SMARCC2: variants seen among roughly 807,000 people sequenced by gnomAD.
SMARCC2 encodes SWI/SNF related BAF chromatin remodeling complex subunit C2, also known as SWI/SNF complex subunit SMARCC2.
Under a neutral mutation model 151.3 loss-of-function variants are expected in SMARCC2, and 15 were observed. The ratio of observed to expected loss-of-function variants is 0.10; its 90% CI spans 0.07 to 0.15. The LOEUF (loss-of-function observed/expected upper bound fraction) is 0.15. SMARCC2 is among the 10% of genes least tolerant of loss of function. The pLI is 1.00. For missense variants in SMARCC2, 1,031 were observed against 1,599.7 expected, an observed-to-expected ratio of 0.64 and a Z score of 6.06; for synonymous variants, 590 against 609.5, an observed-to-expected ratio of 0.97 and a Z score of 0.47.
intron 6 of SMARCC2, 100 bp downstream of exon 6, chr12:56,184,075 T>C: frequency 9.4e-7 from 1 of 1,065,574 alleles, no homozygotes; most frequent in Non-Finnish European, 1.4e-6. Flanking sequence ...GATTCAAGAT[T>C]GAAAGAAGAG....
rs1873528130 is a variant in SMARCC2, at chr12:56,169,640, T to C, written c.2604A>G (p.Glu868=). Reference sequence around the variant, plus strand: ...TCCTTTCCCCCTCAGACTCCACCACTTCCTTCAGCACTTCCTCCTGCCCTT... The same window carrying C: ...TCCTTTCCCCCTCAGACTCCACCACCTCCTTCAGCACTTCCTCCTGCCCTT... ...PKEGQEEVLK[E]VVESEGERKT... is the part of the protein sequence containing the mutation. Residue 868 remains glutamate, a synonymous_variant, in exon 25 of 29, where the codon GAA becomes GAG. Transcript: ENST00000550164. 1.9e-6 allele frequency: 3 copies of C among 1,613,926 alleles called. No homozygotes were observed. Among genetic ancestry groups the C allele is most frequent in the African/African-American group, 2.7e-5 (2 of 74,894 alleles).
At chr12:56,175,903 G>C (rs994949347) in intron 15 of SMARCC2, among the ~76,000 whole-genome samples, 2 of 151,930 alleles carry the variant, frequency 1.3e-5, no homozygotes, top group Non-Finnish European at 2.9e-5. Flanking sequence ...TTGTTGCCCA[G>C]GCTGGAGTAC....
At chr12:56,187,111 T>C in intron 2 of SMARCC2, 76 bp downstream of exon 2, 1 of 1,449,958 alleles carries the variant, frequency 6.9e-7, no homozygotes, top group Non-Finnish European at 9.4e-7. Context: ...CACAAATCTT[T>C]TTTTAAAATA....
intron 7 of SMARCC2, chr12:56,183,518 T>A (rs934737647): frequency 4.3e-5 from 8 of 185,716 alleles, no homozygotes; most frequent in Admixed American, 1.1e-4. Flanking sequence ...AAATTATCCA[T>A]GTTATATCAC....
chr12:56,183,903 C>T lies in SMARCC2; in HGVS notation c.590G>A (p.Arg197Lys), dbSNP rs1876735930. Residue 197 changes from arginine (R) to lysine (K), a missense_variant, in exon 7 of 29, where the codon AGG becomes AAG. Arg to Lys is a conservative substitution (Grantham distance 26). This residue lies in a region of SMARCC2 where 123 missense variants were observed against 190.4 expected (regional missense o/e 0.65). Coordinates refer to ENST00000550164, the MANE Select transcript of SMARCC2 (RefSeq NM_001330288.2). ...CCAGTGCAGAAGAACCTGCTTATCC[C>T]TCTTCATGACTGGTCGTACCCATTC... is the stretch of plus-strand genomic sequence containing the variant. ...EEEWVRPVMK[R>K]DKQVLLHWGY... 3 of 1,613,536 alleles carry T rather than the reference C, an allele frequency of 1.9e-6. No individual in the cohort carries two copies. Among genetic ancestry groups the T allele is most frequent in the Non-Finnish European group, 2.5e-6 (3 of 1,179,638 alleles).
At position 56,163,885 on chromosome 12, in the gene SMARCC2, AC is replaced by A. The variant is rs1370132581; in HGVS notation, c.3662-121del. On this transcript the variant is annotated intron_variant, in intron 28 of 28. Coordinates refer to ENST00000550164, the MANE Select transcript of SMARCC2 (RefSeq NM_001330288.2). ...CAGTGGCTGGGTGGATGAATGAGGT[AC>A]CCATAATGTTCAACTTCTGTTCCCA... 2.2e-5 allele frequency: 13 copies of A among 602,214 alleles called. No individual in the cohort carries two copies. The African/African-American group carries it at 2.6e-4, about 12-fold the overall frequency. 37.3% of individuals were successfully genotyped at this position (602,214 alleles called of 1,614,324 possible).
intron 26 of SMARCC2, among the ~76,000 whole-genome samples, chr12:56,167,553 T>C (rs1030099666): frequency 6.6e-6 from 1 of 152,128 alleles, no homozygotes; most frequent in African/African-American, 2.4e-5. Flanking sequence ...GGTTCAACAC[T>C]GTGTCGGTCC....
At chr12:56,188,730 C>T (rs978184168) in intron 1 of SMARCC2, among the ~76,000 whole-genome samples, 2 of 152,178 alleles carry the variant, frequency 1.3e-5, no homozygotes, top group South Asian at 2.1e-4. Context: ...CGGAAGGGGC[C>T]GCTACCCAGG....
rs1244084005 is a variant in SMARCC2, at chr12:56,171,050, A to T, written c.2347+221T>A. Among the ~76,000 whole-genome samples, 1 of 152,132 alleles carries T rather than the reference A, an allele frequency of 6.6e-6. No individual in the cohort carries two copies. Among genetic ancestry groups the T allele is most frequent in the Non-Finnish European group, 1.5e-5 (1 of 68,022 alleles). On this transcript the variant is annotated intron_variant, in intron 22 of 28. Transcript: ENST00000550164. This position sits in a 1 kb window ranked among gnomAD's most constrained non-coding sequence, Gnocchi z 4.2. ...CCGGCCTTCACAAGACTTTTCTAAC[A>T]GCCCCTTCTACAAGCAAAGATTTTT...
At chr12:56,183,277 C>T (rs1175650896) in intron 7 of SMARCC2, 1 of 152,608 alleles carries the variant, frequency 6.6e-6, no homozygotes, top group Non-Finnish European at 1.5e-5. Context: ...GCTTCTCAGC[C>T]TCCTAAGTAG....
At chr12:56,165,882 C>T (rs1872691052) in intron 26 of SMARCC2, among the ~76,000 whole-genome samples, 183 bp from the exon 27 acceptor site, 1 of 152,220 alleles carries the variant, frequency 6.6e-6, no homozygotes, top group Non-Finnish European at 1.5e-5. Context: ...TTCCCATGAC[C>T]TTTATGTCTC....
At position 56,174,710 on chromosome 12, in the gene SMARCC2, C is replaced by T. The variant is rs1874601037; in HGVS notation, c.1437G>A (p.Glu479=). The T allele has an allele frequency of 6.2e-7, 1 of 1,614,032 alleles. No individual in the cohort carries two copies. Among genetic ancestry groups the T allele is most frequent in the Non-Finnish European group, 8.5e-7 (1 of 1,180,008 alleles). ...MIDTYRLNPQ[E]YLTSTACRRN... is the part of the protein sequence containing the mutation. ...GGCGGCAGGCGGTAGAGGTAAGATA[C>T]TCTTGGGGGTTCAGTCGGTAAGTGT... The change falls in exon 16 of 29, where the codon GAG becomes GAA. Residue 479 remains glutamate (E), a synonymous_variant. Transcript: ENST00000550164.
In SMARCC2 at chr12:56,171,389, C is replaced by T. The variant is rs1873923619; in HGVS notation, c.2229G>A (p.Val743=). ...CTTCCACTTTTCGAACATGGGCCTC[C>T]ACCAAGGCCGTGGGTACCTCTTCCT... ...KMKEEVPTAL[V]EAHVRKVEEA... The change falls in exon 22 of 29, where the codon GTG becomes GTA. Residue 743 remains valine, a synonymous_variant. Coordinates refer to ENST00000550164, the MANE Select transcript of SMARCC2 (RefSeq NM_001330288.2). The surrounding 1 kb of genome is among the most constrained non-coding windows in gnomAD (Gnocchi z 4.2). 4 of 1,614,090 alleles carry T rather than the reference C, an allele frequency of 2.5e-6. No homozygotes were observed. Among genetic ancestry groups the T allele is most frequent in the Middle Eastern group, 3.3e-4 (2 of 6,084 alleles).
chr12:56,171,414 T>C lies in SMARCC2; in HGVS notation c.2204A>G (p.Lys735Arg), dbSNP rs1328302930. Reference protein sequence around the residue: ...KSALEEFSKMKEEVPTALVEA... With the variant: ...KSALEEFSKMREEVPTALVEA... Reference sequence around the variant, plus strand: ...CACCAAGGCCGTGGGTACCTCTTCCTTCATTTTGGAGAACTCCTCTGCAAG... The same window carrying C: ...CACCAAGGCCGTGGGTACCTCTTCCCTCATTTTGGAGAACTCCTCTGCAAG... The change falls in exon 22 of 29, where the codon AAG (lysine) becomes AGG (arginine). Residue 735 changes from lysine (K) to arginine (R), a missense_variant. Transcript: ENST00000550164. The surrounding 1 kb of genome is among the most constrained non-coding windows in gnomAD (Gnocchi z 4.2). 1.4e-5 allele frequency: 22 copies of C among 1,614,104 alleles called. No individual in the cohort carries two copies. Among genetic ancestry groups the C allele is most frequent in the Non-Finnish European group, 1.9e-5 (22 of 1,180,050 alleles).
chr12:56,177,888 T>C (rs1206915364), intron 15 of SMARCC2, 134 bp downstream of exon 15: 9 of 645,666 alleles, frequency 1.4e-5, no homozygotes, highest in Admixed American at 6.1e-5. Flanking sequence ...TATTGTGCCT[T>C]TGTAAGCCTA....
In SMARCC2 at chr12:56,171,955, G is replaced by A; in HGVS notation, c.1927-18C>T. 1 of 1,580,426 alleles carries A rather than the reference G, an allele frequency of 6.3e-7. No individual in the cohort carries two copies. Among genetic ancestry groups the A allele is most frequent in the Non-Finnish European group, 8.6e-7 (1 of 1,160,876 alleles). On this transcript the variant is annotated intron_variant, in intron 20 of 28. Transcript: ENST00000550164. The surrounding 1 kb of genome is among the most constrained non-coding windows in gnomAD (Gnocchi z 4.2). ...TCCAGTGCCTGGTGGTAGTGGTGGA[G>A]ACATAACTCCGCTTACTTAGCCACT...
chr12:56,171,820 C>T lies in SMARCC2; in HGVS notation c.2044G>A (p.Asp682Asn). The change falls in exon 21 of 29, where the codon GAC (aspartate) becomes AAC (asparagine). Residue 682 changes from aspartate (D) to asparagine (N), a missense_variant. Around this residue, in one of 12 missense-constraint regions of SMARCC2, gnomAD observed 51 missense variants for 137.9 expected, o/e 0.37. Coordinates refer to ENST00000550164, the MANE Select transcript of SMARCC2 (RefSeq NM_001330288.2). This position sits in a 1 kb window ranked among gnomAD's most constrained non-coding sequence, Gnocchi z 4.2. ...AGGGGGCCTAGGGAGGCCTCTGAGTCCTCCAGGTATGGGTCTTCAATGGGA... is the reference window on the plus strand; with the variant it reads ...AGGGGGCCTAGGGAGGCCTCTGAGTTCTCCAGGTATGGGTCTTCAATGGGA... ...RLPIEDPYLEDSEASLGPLAY... is the reference protein window; with the variant it reads ...RLPIEDPYLENSEASLGPLAY... The T allele has an allele frequency of 2.5e-6, 4 of 1,614,116 alleles. No individual in the cohort carries two copies. The highest frequency in any genetic ancestry group is 3.4e-6 in the Non-Finnish European group (4 of 1,179,978).
At chr12:56,174,502 C>A (rs1156823047) in intron 16 of SMARCC2, 149 bp downstream of exon 16, 11 of 606,094 alleles carry the variant, frequency 1.8e-5, no homozygotes, top group Admixed American at 1.5e-4. Context: ...TCAAGTCATT[C>A]ATTCCCCAAA....
chr12:56,179,365 C>G (rs1396014447), intron 11 of SMARCC2, among the ~76,000 whole-genome samples: 1 of 152,236 alleles, frequency 6.6e-6, no homozygotes, highest in African/African-American at 2.4e-5. Flanking sequence ...GACCAAATCA[C>G]TCTGTGGAAG....
Sources: allele counts gnomAD v4.1 joint callset (sites outside exome capture counted in the v4.1 genomes callset), GRCh38; gene constraint gnomAD v4.1.1; regional missense constraint gnomAD v4.1.1; non-coding constraint Gnocchi (gnomAD v3.1); transcripts MANE v1.5; gene names NCBI Gene and HGNC (gene_info 2026-07-23, HGNC 2026-07-21).